Variants in PACRG observed in about 807,000 individuals in gnomAD.
The protein encoded by PACRG is parkin coregulated gene protein.
A neutral mutation model predicts 29.7 loss-of-function variants in PACRG; 29 were observed. The observed-to-expected ratio is 0.98, with a 90% CI of 0.73 to 1.33. The LOEUF (loss-of-function observed/expected upper bound fraction) is 1.33. Among genes scored for constraint, PACRG ranks in the 40% most tolerant of loss-of-function variants. The probability of loss-of-function intolerance (pLI) is 0.00; values close to 1 mark genes in which losing one functional copy is unlikely to be tolerated. For missense variants in PACRG, 279 were observed against 316.2 expected, an observed-to-expected ratio of 0.88 and a Z score of 0.89; for synonymous variants, 116 against 118.7, an observed-to-expected ratio of 0.98 and a Z score of 0.15.
At chr6:163,226,214 G>A (rs142633917) in intron 4 of PACRG, among the ~76,000 whole-genome samples, 312 of 152,304 alleles carry the variant, frequency 2.0e-3, no homozygotes, top group African/African-American at 7.3e-3. Flanking sequence ...GAAGGAAAGC[G>A]GATTGGGAGA....
intron 2 of PACRG, among the ~76,000 whole-genome samples, chr6:162,838,846 G>T (rs1339203390): frequency 6.8e-6 from 1 of 147,380 alleles, no homozygotes; most frequent in Non-Finnish European, 1.5e-5. Flanking sequence ...TGTGGTGTTT[G>T]GTTTTTTGTT....
intron 2 of PACRG, among the ~76,000 whole-genome samples, chr6:162,958,880 TATATAGAGAGAGAGAGAGAGAG>T (rs1224322399): frequency 1.8e-3 from 29 of 16,494 alleles, no homozygotes; most frequent in African/African-American, 4.9e-3. Flanking sequence ...TATATATATA[TATATAGAGAGAGAGAGAGAGAG>T]AGAGAGAGAG....
At chr6:162,880,694 A>C (rs990985823) in intron 2 of PACRG, among the ~76,000 whole-genome samples, 1 of 152,254 alleles carries the variant, frequency 6.6e-6, no homozygotes, top group African/African-American at 2.4e-5. Flanking sequence ...TTTTAGAATA[A>C]AACATATCTT....
At chr6:163,091,964 G>GTAT (rs1268600181) in intron 4 of PACRG, among the ~76,000 whole-genome samples, 1 of 152,182 alleles carries the variant, frequency 6.6e-6, no homozygotes, top group African/African-American at 2.4e-5. Flanking sequence ...AAATTTCAAT[G>GTAT]TATTTGAGAA....
intron 2 of PACRG, among the ~76,000 whole-genome samples, chr6:162,927,507 A>G (rs140363919): frequency 6.6e-6 from 1 of 152,154 alleles, no homozygotes; most frequent in Non-Finnish European, 1.5e-5. Flanking sequence ...CTGCAGGGAC[A>G]TGGATGGAGC....
At chr6:163,271,877 T>C (rs1300137477) in intron 4 of PACRG, among the ~76,000 whole-genome samples, 1 of 152,220 alleles carries the variant, frequency 6.6e-6, no homozygotes, top group Non-Finnish European at 1.5e-5. Flanking sequence ...GCTATCTTTG[T>C]AATGCTCAGT....
chr6:163,143,203 A>G (rs1048415675), intron 4 of PACRG, among the ~76,000 whole-genome samples: 6 of 152,190 alleles, frequency 3.9e-5, no homozygotes, highest in Non-Finnish European at 8.8e-5. Flanking sequence ...TAAATCTAAT[A>G]CTATTCCATA....
At chr6:163,128,141 A>G (rs1816591080) in intron 4 of PACRG, among the ~76,000 whole-genome samples, 1 of 152,364 alleles carries the variant, frequency 6.6e-6, no homozygotes, top group Middle Eastern at 3.4e-3. Flanking sequence ...GCCACTTAAA[A>G]TTGGATGAAA....
chr6:163,118,325 T>C (rs544162835), intron 4 of PACRG, among the ~76,000 whole-genome samples: 20 of 152,368 alleles, frequency 1.3e-4, no homozygotes, highest in African/African-American at 4.8e-4. Flanking sequence ...TCCTGAGTGA[T>C]AGTGGCAATG....
chr6:162,981,387 T>C (rs1802419854), intron 2 of PACRG, among the ~76,000 whole-genome samples: 1 of 151,464 alleles, frequency 6.6e-6, no homozygotes, highest in African/African-American at 2.4e-5. Flanking sequence ...TATATATGTA[T>C]ATATACACAC....
rs1443272334 is a variant in PACRG at position 162,936,251 on chromosome 6, A to G, written c.291+121970A>G. On this transcript the variant is annotated intron_variant, in intron 2 of 4. Coordinates refer to ENST00000366888, the MANE Select transcript of PACRG (RefSeq NM_001080379.2). Reference sequence around the variant, plus strand: ...CAGGTCCCTCCCACAACACATGGGAATCATGGGAGCTACAATTCAAGATGA... The same window carrying G: ...CAGGTCCCTCCCACAACACATGGGAGTCATGGGAGCTACAATTCAAGATGA... 6.6e-5 allele frequency among the ~76,000 whole-genome samples: 10 copies of G among 152,210 alleles called. 1 individual carries two copies. In the South Asian group the frequency reaches 1.9e-3, roughly 28 times the overall value.
intron 1 of PACRG, among the ~76,000 whole-genome samples, chr6:162,746,097 A>G (rs1040478269): frequency 3.3e-5 from 5 of 152,300 alleles, no homozygotes; most frequent in Middle Eastern, 6.8e-3. Flanking sequence ...TACAAGATAG[A>G]TCATGGCTAA....
intron 4 of PACRG, among the ~76,000 whole-genome samples, chr6:163,251,801 G>T (rs1218690265): frequency 6.6e-6 from 1 of 152,176 alleles, no homozygotes; most frequent in Admixed American, 6.5e-5. Context: ...TAAGAAATGG[G>T]CTTGCGATCA....
chr6:163,071,186 C>A (rs1812012973), intron 3 of PACRG, among the ~76,000 whole-genome samples: 1 of 152,032 alleles, frequency 6.6e-6, no homozygotes, highest in Non-Finnish European at 1.5e-5. Flanking sequence ...GTACTATAGA[C>A]CAAATGAATC....
intron 3 of PACRG, among the ~76,000 whole-genome samples, chr6:163,077,260 C>T (rs934023285): frequency 2.6e-5 from 4 of 152,238 alleles, no homozygotes; most frequent in African/African-American, 9.6e-5. Flanking sequence ...CAGCAACATA[C>T]TTTTGTGAGA....
At chr6:162,824,238 C>T (rs1333340502) in intron 2 of PACRG, among the ~76,000 whole-genome samples, 1 of 152,142 alleles carries the variant, frequency 6.6e-6, no homozygotes, top group African/African-American at 2.4e-5. Flanking sequence ...AAGGCAACTA[C>T]TTCAAGGTAG....
chr6:162,785,502 A>G (rs1206889884), intron 1 of PACRG, among the ~76,000 whole-genome samples: 6 of 143,276 alleles, frequency 4.2e-5, no homozygotes, highest in Admixed American at 3.5e-4. Flanking sequence ...ACCCAAGATC[A>G]GTGGTCTGCA....
intron 4 of PACRG, among the ~76,000 whole-genome samples, chr6:163,171,200 TAGCTGC>T (rs1779065278): frequency 6.6e-6 from 1 of 152,174 alleles, no homozygotes; most frequent in Non-Finnish European, 1.5e-5. Context: ...AATGTAATGT[TAGCTGC>T]AGAGAATTTT....
intron 1 of PACRG, among the ~76,000 whole-genome samples, chr6:162,797,327 T>C (rs900052982): frequency 5.9e-5 from 9 of 152,128 alleles, no homozygotes; most frequent in African/African-American, 2.2e-4. Flanking sequence ...TATCTGTAGA[T>C]TTTATACCTA....
Sources: allele counts gnomAD v4.1 joint callset (sites outside exome capture counted in the v4.1 genomes callset), GRCh38; gene constraint gnomAD v4.1.1; transcripts MANE v1.5; gene names NCBI Gene and HGNC (gene_info 2026-07-23, HGNC 2026-07-21).